Variants in IMPG1 observed in about 807,000 individuals in gnomAD.
IMPG1 encodes interphotoreceptor matrix proteoglycan 1.
Under a neutral mutation model 92.0 loss-of-function variants are expected in IMPG1, and 85 were observed. The ratio of observed to expected loss-of-function variants is 0.92; its 90% CI spans 0.78 to 1.11. IMPG1 has a LOEUF of 1.11. IMPG1 is among the 50% of genes least tolerant of loss of function. IMPG1 has a pLI of 0.00. For synonymous variants in IMPG1, 367 were observed against 334.1 expected (o/e 1.10, Z -1.08); for missense variants, 1,022 against 956.0 (o/e 1.07, Z -0.91).
At chr6:76,054,324 C>G (rs899163002) in intron 1 of IMPG1, among the ~76,000 whole-genome samples, 1 of 151,800 alleles carries the variant, frequency 6.6e-6, no homozygotes, top group East Asian at 1.9e-4. Context: ...ATTGGATTGC[C>G]TGATTTAGCA....
At chr6:75,924,433 TATAATTATATAATATAAC>T (rs1781485941) in intron 15 of IMPG1, among the ~76,000 whole-genome samples, 2 of 114,216 alleles carry the variant, frequency 1.8e-5, no homozygotes, top group Non-Finnish European at 3.4e-5. Context: ...ATATAATTAA[TATAATTATATAATATAAC>T]ATAATTATAT....
At chr6:76,058,244 C>T (rs1003320465) in intron 1 of IMPG1, among the ~76,000 whole-genome samples, 8 of 152,142 alleles carry the variant, frequency 5.3e-5, no homozygotes, top group African/African-American at 1.9e-4. Context: ...ATTCATTTTA[C>T]TCTCTCTGAA....
chr6:76,005,115 T>C (rs1422615842), intron 10 of IMPG1, among the ~76,000 whole-genome samples, 172 bp downstream of exon 10: 1 of 152,134 alleles, frequency 6.6e-6, no homozygotes, highest in Non-Finnish European at 1.5e-5. Context: ...ACTCATCAAA[T>C]GAGACACAGG....
At chr6:75,976,686 C>T (rs1259728832) in intron 12 of IMPG1, among the ~76,000 whole-genome samples, 3 of 151,962 alleles carry the variant, frequency 2.0e-5, no homozygotes, top group East Asian at 1.9e-4. Context: ...CTGAGGCGGG[C>T]GGATCACAAG....
At position 75,922,049 on chromosome 6, in the gene IMPG1, T is replaced by C. The variant is rs374975064; in HGVS notation, c.*40A>G. On this transcript the variant is annotated 3_prime_UTR_variant, in exon 17 of 17. Transcript: ENST00000369950. ...TTTCCTTGAGAAGGCAAATCATCTC[T>C]CTTGAGATAGCCTAAATGATAATTG... 1,573 of 921,030 alleles carry C rather than the reference T, an allele frequency of 1.7e-3. 4 individuals carry two copies. Among genetic ancestry groups the C allele is most frequent in the Non-Finnish European group, 2.5e-3 (1,420 of 573,214 alleles). 57.1% of individuals were successfully genotyped at this position (921,030 alleles called of 1,614,324 possible). A position where few individuals can be genotyped will look rare whatever the true frequency, so the allele number is the denominator to read the frequency against.
intron 12 of IMPG1, among the ~76,000 whole-genome samples, chr6:75,977,918 A>G (rs980283218): frequency 6.6e-6 from 1 of 152,032 alleles, no homozygotes; most frequent in Non-Finnish European, 1.5e-5. Context: ...CATATATTTT[A>G]TCCATTATTA....
At chr6:76,003,845 GTTAAA>G in intron 11 of IMPG1, 24 bp downstream of exon 11, 1 of 1,539,668 alleles carries the variant, frequency 6.5e-7, no homozygotes, top group Non-Finnish European at 9.0e-7. Flanking sequence ...TTTGTTCCTA[GTTAAA>G]GAACAAAAGG....
chr6:76,070,326 A>G lies in IMPG1; in HGVS notation c.67+2096T>C, dbSNP rs117542604. Among the ~76,000 whole-genome samples, 430 of 152,290 alleles carry G rather than the reference A, an allele frequency of 2.8e-3. 1 individual carries two copies. The highest frequency in any genetic ancestry group is 3.5e-3 in the Non-Finnish European group (235 of 68,022). ...GGCTATTTTTCAAAAGTCAGAAAAT[A>G]ACAGATGTGGAGAACAGTAAATGCT... On this transcript the variant is annotated intron_variant, in intron 1 of 16. Coordinates refer to ENST00000369950, the MANE Select transcript of IMPG1 (RefSeq NM_001563.4).
At chr6:75,934,855 C>A in intron 14 of IMPG1, 1 of 437,228 alleles carries the variant, frequency 2.3e-6, no homozygotes, top group Non-Finnish European at 4.9e-6. Context: ...TGGCTGTGTG[C>A]TGAGTGCCTT....
intron 4 of IMPG1, among the ~76,000 whole-genome samples, chr6:76,027,798 A>G (rs1250813630): frequency 6.6e-6 from 1 of 152,216 alleles, no homozygotes; most frequent in East Asian, 1.9e-4. Flanking sequence ...TTGCTTCTTT[A>G]AGATTTTGGA....
intron 1 of IMPG1, among the ~76,000 whole-genome samples, chr6:76,069,025 G>C (rs1784360119): frequency 6.6e-6 from 1 of 151,996 alleles, no homozygotes; most frequent in Non-Finnish European, 1.5e-5. Context: ...GCATGGTACT[G>C]ATATAAAAAG....
chr6:76,004,320 T>C (rs1783052488), intron 10 of IMPG1, among the ~76,000 whole-genome samples: 1 of 152,126 alleles, frequency 6.6e-6, no homozygotes, highest in Admixed American at 6.5e-5. Context: ...GAACCAAGGA[T>C]CATTTGTGGC....
chr6:76,062,392 A>G (rs1395489854), intron 1 of IMPG1, among the ~76,000 whole-genome samples: 1 of 152,244 alleles, frequency 6.6e-6, no homozygotes, highest in Non-Finnish European at 1.5e-5. Context: ...TGTCAAAATT[A>G]GATGGCAATG....
chr6:75,978,323 C>T (rs9360968), intron 12 of IMPG1, among the ~76,000 whole-genome samples: 71,237 of 151,964 alleles, frequency 0.47, 17,126 homozygotes, highest in East Asian at 0.72. Flanking sequence ...TACCCAAGAT[C>T]ATGCATTTTT....
At chr6:75,994,102 T>C (rs538577614) in intron 12 of IMPG1, among the ~76,000 whole-genome samples, 1 of 152,260 alleles carries the variant, frequency 6.6e-6, no homozygotes, top group African/African-American at 2.4e-5. Flanking sequence ...TAGGGTCCAC[T>C]TGAAGAAACA....
In IMPG1 at chr6:76,072,572, T is replaced by C. The variant is rs1784419076; in HGVS notation, c.-84A>G. 3 of 774,562 alleles carry C rather than the reference T, an allele frequency of 3.9e-6. No homozygotes were observed. The highest frequency in any genetic ancestry group is 3.6e-5 in the African/African-American group (2 of 55,868). 48.0% of individuals were successfully genotyped at this position (774,562 alleles called of 1,614,324 possible). On this transcript the variant is annotated 5_prime_UTR_variant, in exon 1 of 17. Transcript: ENST00000369950. ...TAAAAAGTAACAGAAATGTGAAAAA[T>C]AATTATATATTGATACCAGATGATT...
chr6:75,937,946 C>T (rs1781775131), intron 14 of IMPG1, among the ~76,000 whole-genome samples: 2 of 152,128 alleles, frequency 1.3e-5, no homozygotes, highest in African/African-American at 4.8e-5. Context: ...GCATAAAAGC[C>T]CTACATGCTT....
At chr6:75,953,368 T>A (rs989247919) in intron 12 of IMPG1, among the ~76,000 whole-genome samples, 5 of 152,102 alleles carry the variant, frequency 3.3e-5, no homozygotes, top group African/African-American at 1.2e-4. Context: ...GCTGCATTCA[T>A]CAACACATCA....
At chr6:75,923,825 T>G in intron 15 of IMPG1, 119 bp from the exon 16 acceptor site, 2 of 605,436 alleles carry the variant, frequency 3.3e-6, no homozygotes, top group East Asian at 3.0e-5. Flanking sequence ...GATAGCATAT[T>G]TTTGCAGGTG....
Sources: allele counts gnomAD v4.1 joint callset (sites outside exome capture counted in the v4.1 genomes callset), GRCh38; gene constraint gnomAD v4.1.1; transcripts MANE v1.5; gene names NCBI Gene and HGNC (gene_info 2026-07-23, HGNC 2026-07-21).